Variants in PDE4D observed in about 807,000 individuals in gnomAD.
PDE4D encodes 3',5'-cyclic-AMP phosphodiesterase 4D.
Under a neutral mutation model 87.4 loss-of-function variants are expected in PDE4D, and 24 were observed. That is an observed-to-expected ratio of 0.27 (90% CI 0.20 to 0.39). The LOEUF is 0.39. Among genes scored for constraint, PDE4D ranks in the 10% least tolerant of loss-of-function variants. PDE4D has a pLI of 1.00. For synonymous variants in PDE4D, 384 were observed against 383.2 expected (o/e 1.00, Z -0.02); for missense variants, 714 against 1,041.0 (o/e 0.69, Z 4.32).
At chr5:59,991,101 C>A (rs1350659294) in intron 2 of PDE4D, among the ~76,000 whole-genome samples, 2 of 152,082 alleles carry the variant, frequency 1.3e-5, no homozygotes, top group Admixed American at 6.5e-5. Flanking sequence ...TTAAACAGAA[C>A]TGAGATGAGA....
intron 5 of PDE4D, among the ~76,000 whole-genome samples, chr5:59,075,655 T>C (rs967638985): frequency 1.3e-5 from 2 of 152,142 alleles, no homozygotes; most frequent in Non-Finnish European, 2.9e-5. Flanking sequence ...AAAAGACTTC[T>C]TATAATATGG....
chr5:60,114,248 G>C (rs1478573750), intron 2 of PDE4D, among the ~76,000 whole-genome samples: 2 of 151,998 alleles, frequency 1.3e-5, no homozygotes, highest in Non-Finnish European at 2.9e-5. Context: ...TTACAAGATG[G>C]CAACTTAGTT....
rs1825709283 is a variant in PDE4D at position 59,590,093 on chromosome 5, A to T, written c.455+303075T>A. 2.0e-5 allele frequency among the ~76,000 whole-genome samples: 3 copies of T among 152,206 alleles called. No homozygotes were observed. In the South Asian group the frequency reaches 6.2e-4, roughly 31 times the overall value. ...AATATTTTTGCAGACATAAGGCAAC[A>T]AATATAAAAGAATAGGCTTGCTTAG... is the stretch of plus-strand genomic sequence containing the variant. On this transcript the variant is annotated intron_variant, in intron 1 of 14. Transcript: ENST00000340635.
intron 5 of PDE4D, among the ~76,000 whole-genome samples, chr5:59,149,140 C>G (rs1779099865): frequency 6.6e-6 from 1 of 152,122 alleles, no homozygotes; most frequent in Non-Finnish European, 1.5e-5. Context: ...TAAACTAACA[C>G]CCATCTTTGG....
rs186888505 is a variant in PDE4D, at chr5:59,418,627, A to T, written c.456-202659T>A. Among the ~76,000 whole-genome samples, 24 of 152,116 alleles carry T rather than the reference A, an allele frequency of 1.6e-4. No individual in the cohort carries two copies. The East Asian group carries it at 4.7e-3, about 30-fold the overall frequency. On this transcript the variant is annotated intron_variant, in intron 1 of 14. Transcript: ENST00000340635. The stretch of plus-strand genomic sequence containing the variant: ...AACAGATGACTGGTGCCTGGGTCCC[A>T]ACTCCAGGATTTACCTAACAATTTT...
At chr5:59,606,348 G>A (rs1447669463) in intron 1 of PDE4D, among the ~76,000 whole-genome samples, 1 of 152,094 alleles carries the variant, frequency 6.6e-6, no homozygotes, top group Non-Finnish European at 1.5e-5. Context: ...GGCAGCAGGA[G>A]GAGAGTGAAA....
intron 3 of PDE4D, among the ~76,000 whole-genome samples, chr5:59,984,326 C>G (rs867227398): frequency 1.3e-5 from 2 of 152,144 alleles, no homozygotes; most frequent in Non-Finnish European, 2.9e-5. Flanking sequence ...CATTTCAAGT[C>G]ATTAATAGCT....
At chr5:59,130,187 C>A (rs1776077368) in intron 5 of PDE4D, among the ~76,000 whole-genome samples, 1 of 152,182 alleles carries the variant, frequency 6.6e-6, no homozygotes, top group Non-Finnish European at 1.5e-5. Flanking sequence ...GCATGTTTCA[C>A]TGAGTATCTG....
At chr5:59,493,604 T>C (rs1196188034) in intron 1 of PDE4D, among the ~76,000 whole-genome samples, 1 of 152,190 alleles carries the variant, frequency 6.6e-6, no homozygotes, top group Non-Finnish European at 1.5e-5. Flanking sequence ...AAATACAAGT[T>C]AAATACATTT....
chr5:59,805,719 G>A (rs1767658474), intron 1 of PDE4D, among the ~76,000 whole-genome samples: 1 of 152,176 alleles, frequency 6.6e-6, no homozygotes, highest in Non-Finnish European at 1.5e-5. Flanking sequence ...TAGTCCTTGG[G>A]ATTCTAAAAA....
intron 1 of PDE4D, among the ~76,000 whole-genome samples, chr5:59,257,308 G>T (rs376991952): frequency 1.1e-4 from 16 of 151,946 alleles, no homozygotes; most frequent in African/African-American, 3.1e-4. Flanking sequence ...AACTCCTTAA[G>T]GGTGGCCAGG....
At chr5:59,818,483 C>T (rs1389430777) in intron 1 of PDE4D, among the ~76,000 whole-genome samples, 3 of 152,176 alleles carry the variant, frequency 2.0e-5, no homozygotes, top group African/African-American at 4.8e-5. Flanking sequence ...ATTGGAAAGC[C>T]ACAGGCAGAA....
chr5:59,423,061 A>G (rs1794704522), intron 1 of PDE4D, among the ~76,000 whole-genome samples: 1 of 152,206 alleles, frequency 6.6e-6, no homozygotes, highest in African/African-American at 2.4e-5. Flanking sequence ...TGGGTTAATT[A>G]GCATGTAAGA....
At chr5:59,504,245 A>G (rs1808831892) in intron 1 of PDE4D, among the ~76,000 whole-genome samples, 1 of 152,218 alleles carries the variant, frequency 6.6e-6, no homozygotes, top group Non-Finnish European at 1.5e-5. Context: ...AAAGTTACAT[A>G]CTATAGTATT....
chr5:60,047,381 G>C (rs953506052), intron 2 of PDE4D, among the ~76,000 whole-genome samples: 1 of 152,058 alleles, frequency 6.6e-6, no homozygotes, highest in Non-Finnish European at 1.5e-5. Flanking sequence ...GTTCTGCTCT[G>C]ATTTTAGTTA....
chr5:60,457,967 A>T (rs1396580295), intron 1 of PDE4D, among the ~76,000 whole-genome samples: 1 of 152,196 alleles, frequency 6.6e-6, no homozygotes, highest in Non-Finnish European at 1.5e-5. Flanking sequence ...CCTAATATGT[A>T]TCAGACTCTC....
At chr5:59,801,396 CATT>C (rs1349415385) in intron 1 of PDE4D, among the ~76,000 whole-genome samples, 1 of 152,136 alleles carries the variant, frequency 6.6e-6, no homozygotes, top group Non-Finnish European at 1.5e-5. Flanking sequence ...CTGACACCAT[CATT>C]ATTTGAGAAA....
intron 2 of PDE4D, among the ~76,000 whole-genome samples, chr5:60,094,092 C>G (rs1167165238): frequency 6.6e-6 from 1 of 152,144 alleles, no homozygotes; most frequent in East Asian, 1.9e-4. Flanking sequence ...ATATCACTAA[C>G]TTTGGAGGCA....
At chr5:59,995,508 C>T (rs768971535) in intron 2 of PDE4D, among the ~76,000 whole-genome samples, 12 of 151,792 alleles carry the variant, frequency 7.9e-5, no homozygotes, top group Non-Finnish European at 1.5e-4. Context: ...TTAGTAGAGA[C>T]GGAGTTTCAT....
Sources: allele counts gnomAD v4.1 joint callset (sites outside exome capture counted in the v4.1 genomes callset), GRCh38; gene constraint gnomAD v4.1.1; transcripts MANE v1.5; gene names NCBI Gene and HGNC (gene_info 2026-07-23, HGNC 2026-07-21).